PSMC3IP: variants seen among roughly 807,000 people sequenced by gnomAD.
The protein encoded by PSMC3IP is PSMC3 interacting protein, also known as homologous-pairing protein 2 homolog.
In PSMC3IP, 26 loss-of-function variants were observed where a neutral mutation model predicts 34.9. The observed-to-expected ratio is 0.74, with a 90% CI of 0.55 to 1.03. The LOEUF (loss-of-function observed/expected upper bound fraction) is 1.03. Among genes scored for constraint, PSMC3IP ranks in the 50% least tolerant of loss-of-function variants. The probability of loss-of-function intolerance (pLI) is 0.00; values close to 1 mark genes in which losing one functional copy is unlikely to be tolerated. For synonymous variants in PSMC3IP, 87 were observed against 96.5 expected (o/e 0.90, Z 0.57); for missense variants, 250 against 263.1 (o/e 0.95, Z 0.34).
Position 42,577,678 on chromosome 17 carries a change from T to C in PSMC3IP, c.9A>G (p.Lys3=). 6.2e-7 allele frequency: 1 copy of C among 1,614,100 alleles called. No individual in the cohort carries two copies. The highest frequency in any genetic ancestry group is 8.5e-7 in the Non-Finnish European group (1 of 1,179,986). MS[K]GRAEAAAGAA... is the part of the protein sequence containing the mutation. ...CTCCCGCCGCAGCTTCTGCCCGGCC[T>C]TTACTCATCGCCTTTCCCGCCACCC... The change falls in exon 1 of 8, where the codon AAA becomes AAG. Residue 3 remains lysine (K), a synonymous_variant. Transcript: ENST00000393795.
chr17:42,572,810 A>T lies in PSMC3IP; in HGVS notation c.*158T>A. The stretch of plus-strand genomic sequence containing the variant: ...CCAGCCACCAGCCCTCATCCTCTCT[A>T]CCCAGTGCTCTGGTTTATGCTTGTC... On this transcript the variant is annotated 3_prime_UTR_variant, in exon 8 of 8. Transcript: ENST00000393795. The T allele has an allele frequency of 1.2e-6, 1 of 855,194 alleles. No individual in the cohort carries two copies. Among genetic ancestry groups the T allele is most frequent in the South Asian group, 1.4e-5 (1 of 70,820 alleles). 53.0% of individuals were successfully genotyped at this position (855,194 alleles called of 1,614,324 possible). A position where few individuals can be genotyped will look rare whatever the true frequency, so the allele number is the denominator to read the frequency against.
upstream of PSMC3IP, chr17:42,577,756 ACGGG>A: frequency 6.3e-7 from 1 of 1,592,064 alleles, no homozygotes; most frequent in East Asian, 2.2e-5. Flanking sequence ...CCTTCCGGCG[ACGGG>A]GGCGGGCCTC....
chr17:42,574,446 A>G, intron 3 of PSMC3IP: 3 of 1,154,466 alleles, frequency 2.6e-6, no homozygotes, highest in Non-Finnish European at 3.4e-6. Flanking sequence ...TTAAGCTACT[A>G]GGTTGACAGG....
At chr17:42,576,238 A>G (rs112389769) in intron 3 of PSMC3IP, among the ~76,000 whole-genome samples, 77 of 152,326 alleles carry the variant, frequency 5.1e-4, no homozygotes, top group African/African-American at 1.7e-3. Flanking sequence ...TCGTGGATAG[A>G]AAAATAATGA....
chr17:42,572,782 C>T lies in PSMC3IP; in HGVS notation c.*186G>A. 1.4e-6 allele frequency: 1 copy of T among 728,304 alleles called. No individual in the cohort carries two copies. The highest frequency in any genetic ancestry group is 2.7e-5 in the East Asian group (1 of 36,914). The allele number at this position is 728,304 out of a possible 1,614,324, so 45.1% of individuals were successfully genotyped here. ...TAGACAATGAAATGGGCTGGGTCTA[C>T]CCCCAGCCACCAGCCCTCATCCTCT... On this transcript the variant is annotated 3_prime_UTR_variant, in exon 8 of 8. Transcript: ENST00000393795.
At chr17:42,576,341 G>A (rs2093075476) in intron 3 of PSMC3IP, among the ~76,000 whole-genome samples, 1 of 152,218 alleles carries the variant, frequency 6.6e-6, no homozygotes, top group African/African-American at 2.4e-5. Context: ...GTTTTAAATA[G>A]GGAAGGTGCA....
chr17:42,576,484 TGGAAA>T (rs764773370), intron 3 of PSMC3IP, among the ~76,000 whole-genome samples: 2 of 151,910 alleles, frequency 1.3e-5, no homozygotes, highest in Non-Finnish European at 2.9e-5. Context: ...CCATGGCAGA[TGGAAA>T]GGAGAGTGGA....
At chr17:42,575,803 T>G (rs1335850271) in intron 3 of PSMC3IP, among the ~76,000 whole-genome samples, 1 of 136,344 alleles carries the variant, frequency 7.3e-6, no homozygotes, top group East Asian at 2.1e-4. Flanking sequence ...GGTCAGGAGA[T>G]CAAGACCATC....
chr17:42,577,808 G>A (rs1199096559), upstream of PSMC3IP: 1 of 1,210,980 alleles, frequency 8.3e-7, no homozygotes, highest in African/African-American at 1.5e-5. Flanking sequence ...TTCCGGAGGA[G>A]CAAAGCGACC....
intron 4 of PSMC3IP, 96 bp from the exon 5 acceptor site, chr17:42,573,719 G>C: frequency 6.4e-7 from 1 of 1,550,392 alleles, no homozygotes; most frequent in Non-Finnish European, 8.8e-7. Flanking sequence ...CCTTGCTCTG[G>C]ATCTATCATC....
At chr17:42,575,716 G>T (rs565599167) in intron 3 of PSMC3IP, among the ~76,000 whole-genome samples, 1 of 152,006 alleles carries the variant, frequency 6.6e-6, no homozygotes, top group Non-Finnish European at 1.5e-5. Flanking sequence ...CCTCAAAAGA[G>T]GTAAGGGCCA....
chr17:42,572,377 A>G lies in PSMC3IP; in HGVS notation c.*591T>C. 2.2e-6 allele frequency: 1 copy of G among 454,668 alleles called. No individual in the cohort carries two copies. The highest frequency in any genetic ancestry group is 4.4e-6 in the Non-Finnish European group (1 of 226,780). 28.2% of individuals were successfully genotyped at this position (454,668 alleles called of 1,614,324 possible). ...TTTGCTACGGTTACAATTTTGAAAT[A>G]TTAACTGAGCCTCAAAATCACCCTT... is the stretch of plus-strand genomic sequence containing the variant. On this transcript the variant is annotated 3_prime_UTR_variant, in exon 8 of 8. Coordinates refer to ENST00000393795, the MANE Select transcript of PSMC3IP (RefSeq NM_016556.4).
chr17:42,574,926 G>A (rs756501174), intron 3 of PSMC3IP, among the ~76,000 whole-genome samples: 1 of 152,058 alleles, frequency 6.6e-6, no homozygotes, highest in Admixed American at 6.6e-5. Context: ...GCTAATTTTT[G>A]TATTTTTAGT....
chr17:42,576,987 C>A (rs1161550050), intron 3 of PSMC3IP: 3 of 1,079,280 alleles, frequency 2.8e-6, no homozygotes, highest in Non-Finnish European at 2.6e-6. Flanking sequence ...GGAAATGGAT[C>A]TTGGTAGCAA....
rs780080132 is a variant in PSMC3IP, at chr17:42,573,840, TAAAG to T, written c.338-221_338-218del. ...GAACACTTACTTAGGCGTAGCCAGT[TAAAG>T]AAGCAGGAATAAAGGGAAACGTGGG... On this transcript the variant is annotated intron_variant, in intron 4 of 7. Transcript: ENST00000393795. The T allele has an allele frequency of 1.2e-4, 184 of 1,531,876 alleles. 1 individual carries two copies. The highest frequency in any genetic ancestry group is 9.3e-5 in the Non-Finnish European group (106 of 1,145,662). The allele number at this position is 1,531,876 out of a possible 1,614,324, so 94.9% of individuals were successfully genotyped here. A position where few individuals can be genotyped will look rare whatever the true frequency, so the allele number is the denominator to read the frequency against.
Position 42,572,844 on chromosome 17 carries a change from G to T in PSMC3IP, c.*124C>A. 1 of 1,167,502 alleles carries T rather than the reference G, an allele frequency of 8.6e-7. No individual in the cohort carries two copies. The highest frequency in any genetic ancestry group is 1.3e-6 in the Non-Finnish European group (1 of 788,032). The allele number at this position is 1,167,502 out of a possible 1,614,324, so 72.3% of individuals were successfully genotyped here. A position where few individuals can be genotyped will look rare whatever the true frequency, so the allele number is the denominator to read the frequency against. ...TCTGGTTTATGCTTGTCTCCTGACT[G>T]CTCTGCTTAAAGGTGAAAGTAGCAG... On this transcript the variant is annotated 3_prime_UTR_variant, in exon 8 of 8. Coordinates refer to ENST00000393795, the MANE Select transcript of PSMC3IP (RefSeq NM_016556.4).
Position 42,573,377 on chromosome 17 carries a change from A to G in PSMC3IP, c.484-13T>C, listed in dbSNP as rs1451188658. 1 of 1,614,192 alleles carries G rather than the reference A, an allele frequency of 6.2e-7. No homozygotes were observed. Among genetic ancestry groups the G allele is most frequent in the Non-Finnish European group, 8.5e-7 (1 of 1,180,022 alleles). On this transcript the variant is annotated splice_polypyrimidine_tract_variant and intron_variant, in intron 5 of 7. Coordinates refer to ENST00000393795, the MANE Select transcript of PSMC3IP (RefSeq NM_016556.4). ...TCTCTCTGTACACCTAGAAGGAAAA[A>G]GCAAGTTCCTCTAACTCCTCAGAAC...
At chr17:42,574,074 C>G (rs765820122) in intron 4 of PSMC3IP, 25 bp downstream of exon 4, 2 of 1,613,662 alleles carry the variant, frequency 1.2e-6, no homozygotes, top group African/African-American at 2.7e-5. Flanking sequence ...CCTATGGGCA[C>G]TTTGGAGGGG....
At chr17:42,575,751 G>A (rs2093071141) in intron 3 of PSMC3IP, among the ~76,000 whole-genome samples, 2 of 151,488 alleles carry the variant, frequency 1.3e-5, no homozygotes, top group South Asian at 2.1e-4. Flanking sequence ...GCTCATGCCT[G>A]TAATCCCAGC....
Sources: allele counts gnomAD v4.1 joint callset (sites outside exome capture counted in the v4.1 genomes callset), GRCh38; gene constraint gnomAD v4.1.1; transcripts MANE v1.5; gene names NCBI Gene and HGNC (gene_info 2026-07-23, HGNC 2026-07-21).